SEMA3A: variants seen among roughly 807,000 people sequenced by gnomAD.
SEMA3A encodes the protein semaphorin 3A.
SEMA3A carries 29 observed loss-of-function variants against 97.9 expected under a neutral mutation model. The observed-to-expected ratio is 0.30, with a 90% confidence interval of 0.22 to 0.40. The LOEUF is 0.40. SEMA3A is among the 10% of genes least tolerant of loss of function. The probability of loss-of-function intolerance (pLI) is 1.00; values close to 1 mark genes in which losing one functional copy is unlikely to be tolerated. For synonymous variants in SEMA3A, 321 were observed against 323.7 expected, an observed-to-expected ratio of 0.99 and a Z score of 0.09; for missense variants, 763 against 951.3, an observed-to-expected ratio of 0.80 and a Z score of 2.60.
Position 84,304,682 on chromosome 7 carries a change from C to G in SEMA3A, c.-83+2525G>C, listed in dbSNP as rs113939635. 3.3e-5 allele frequency among the ~76,000 whole-genome samples: 5 copies of G among 152,086 alleles called. 1 individual carries two copies. The highest frequency in any genetic ancestry group is 1.2e-4 in the African/African-American group (5 of 41,548). Reference sequence around the variant, plus strand: ...TCTCAAAGTCAAATATAGTGACACACCTTGGAATTCCAGTGCTATCTGAGT... The same window carrying G: ...TCTCAAAGTCAAATATAGTGACACAGCTTGGAATTCCAGTGCTATCTGAGT... On this transcript the variant is annotated intron_variant, in intron 3 of 3. Coordinates refer to the SEMA3A transcript ENST00000424555.
At chr7:84,181,763 A>G (rs1410351529) in intron 1 of SEMA3A, among the ~76,000 whole-genome samples, 1 of 152,176 alleles carries the variant, frequency 6.6e-6, no homozygotes, top group Non-Finnish European at 1.5e-5. Context: ...TCAGTTTTTA[A>G]GCTAAAACTA....
At chr7:84,170,262 T>A (rs1039395364) in intron 1 of SEMA3A, among the ~76,000 whole-genome samples, 5 of 151,992 alleles carry the variant, frequency 3.3e-5, no homozygotes, top group African/African-American at 1.2e-4. Flanking sequence ...TTTTTATTTA[T>A]AAAAGCCTTA....
At chr7:84,179,768 A>T (rs1797680739) in intron 1 of SEMA3A, among the ~76,000 whole-genome samples, 1 of 151,936 alleles carries the variant, frequency 6.6e-6, no homozygotes, top group African/African-American at 2.4e-5. Context: ...TTTCTAGATG[A>T]GAAAGAGAAC....
chr7:84,463,237 C>CTTTTTTTTT lies in SEMA3A; in HGVS notation c.-246+29214_-246+29222dup, dbSNP rs59465422. On this transcript the variant is annotated intron_variant, in intron 1 of 3. Coordinates refer to the SEMA3A transcript ENST00000424555. ...ATTACTTTAGTATTTTGTAACTATT[C>CTTTTTTTTT]TTTTTTTTTTTTTTTTTTTTTTTTT... 6.3e-4 allele frequency among the ~76,000 whole-genome samples: 45 copies of CTTTTTTTTT among 71,360 alleles called. 8 individuals carry two copies. Among genetic ancestry groups the CTTTTTTTTT allele is most frequent in the African/African-American group, 1.5e-3 (27 of 17,930 alleles). 46.8% of individuals were successfully genotyped at this position (71,360 alleles called of 152,430 possible).
At chr7:84,377,441 A>G (rs1584275306) in intron 1 of SEMA3A, among the ~76,000 whole-genome samples, 2 of 152,164 alleles carry the variant, frequency 1.3e-5, no homozygotes, top group Non-Finnish European at 2.9e-5. Context: ...TGGGTTCTCT[A>G]TTCTGTTCCA....
At chr7:84,382,629 C>T (rs1022773311) in intron 1 of SEMA3A, among the ~76,000 whole-genome samples, 7 of 138,624 alleles carry the variant, frequency 5.0e-5, no homozygotes, top group South Asian at 4.7e-4. Context: ...GAGGCCAAGG[C>T]GGGCAGATCA....
chr7:84,051,591 C>G (rs1018948573), intron 5 of SEMA3A, among the ~76,000 whole-genome samples: 14 of 152,154 alleles, frequency 9.2e-5, no homozygotes, highest in Non-Finnish European at 1.9e-4. Flanking sequence ...AGTTGCTTAT[C>G]AGCTTAAGGA....
chr7:84,065,944 A>C lies in SEMA3A; in HGVS notation c.454-5386T>G, dbSNP rs541542690. Among the ~76,000 whole-genome samples the C allele has an allele frequency of 5.7e-4, 86 of 151,680 alleles. 2 individuals are homozygous for C. The Middle Eastern group carries it at 0.014, about 24-fold the overall frequency. ...ATGAGGCCAGCATCATTCTGATACC[A>C]AAGCCAGGCAGAGACACAACAAAAA... On this transcript the variant is annotated intron_variant, in intron 4 of 16. Transcript: ENST00000265362.
At chr7:84,403,792 G>A (rs1205447786) in intron 1 of SEMA3A, among the ~76,000 whole-genome samples, 1 of 152,288 alleles carries the variant, frequency 6.6e-6, no homozygotes, top group East Asian at 1.9e-4. Context: ...AGGGTCTGGA[G>A]TGGACCTCCA....
intron 1 of SEMA3A, among the ~76,000 whole-genome samples, chr7:84,391,799 C>G (rs116097578): frequency 3.9e-4 from 60 of 152,004 alleles, no homozygotes; most frequent in African/African-American, 1.4e-3. Flanking sequence ...GGCAAAACTG[C>G]CTTCTCTACA....
intron 2 of SEMA3A, among the ~76,000 whole-genome samples, chr7:84,359,551 T>C (rs1466598338): frequency 6.6e-6 from 1 of 152,090 alleles, no homozygotes; most frequent in Non-Finnish European, 1.5e-5. Flanking sequence ...CAGTATTTTA[T>C]TGAGGATTTC....
intron 4 of SEMA3A, among the ~76,000 whole-genome samples, chr7:84,067,202 G>A (rs940355701): frequency 0.014 from 2,184 of 152,206 alleles, 52 homozygotes; most frequent in African/African-American, 0.05. Flanking sequence ...ATGGTGCTGG[G>A]AAAACTGGCT....
intron 3 of SEMA3A, among the ~76,000 whole-genome samples, chr7:84,254,732 G>C (rs932829187): frequency 1.3e-5 from 2 of 152,066 alleles, no homozygotes. Context: ...ACCCAGTCAA[G>C]ATATGGAATT....
At chr7:84,162,109 C>G (rs908436852) in intron 1 of SEMA3A, among the ~76,000 whole-genome samples, 6 of 151,972 alleles carry the variant, frequency 3.9e-5, no homozygotes, top group Non-Finnish European at 8.8e-5. Context: ...TCATATAGTG[C>G]CTGTTGAATA....
At chr7:84,133,098 T>C (rs1423914760) in intron 2 of SEMA3A, among the ~76,000 whole-genome samples, 1 of 152,194 alleles carries the variant, frequency 6.6e-6, no homozygotes, top group Non-Finnish European at 1.5e-5. Context: ...AACAAATGAA[T>C]AACCAGTATT....
intron 4 of SEMA3A, among the ~76,000 whole-genome samples, chr7:84,083,969 T>C (rs975022134): frequency 2.0e-5 from 3 of 152,014 alleles, no homozygotes; most frequent in African/African-American, 7.2e-5. Flanking sequence ...AACAGCTAAA[T>C]CTCAAGTGTC....
chr7:83,991,235 T>A (rs530673559), intron 12 of SEMA3A, among the ~76,000 whole-genome samples: 1 of 151,986 alleles, frequency 6.6e-6, no homozygotes, highest in Non-Finnish European at 1.5e-5. Context: ...ACAATGGGGT[T>A]TTCTAGATAT....
intron 4 of SEMA3A, among the ~76,000 whole-genome samples, chr7:84,091,227 A>G (rs1461779826): frequency 2.2e-5 from 2 of 89,188 alleles, no homozygotes; most frequent in Non-Finnish European, 5.7e-5. Context: ...GAAAAGAAAG[A>G]AAAGAAAGAA....
At chr7:84,200,472 G>A (rs1798327027) in intron 3 of SEMA3A, among the ~76,000 whole-genome samples, 1 of 152,046 alleles carries the variant, frequency 6.6e-6, no homozygotes, top group Non-Finnish European at 1.5e-5. Context: ...TTGAGTGGAG[G>A]ATGAAAGAGA....
Sources: gnomAD v4.1 joint callset for allele counts (sites outside exome capture counted in the v4.1 genomes callset) on GRCh38, gnomAD v4.1.1 for gene constraint, MANE v1.5 for transcripts, NCBI Gene and HGNC (gene_info 2026-07-23, HGNC 2026-07-21) for gene names.